AUTS2: variants seen among roughly 807,000 people sequenced by gnomAD.
AUTS2 encodes the protein activator of transcription and developmental regulator AUTS2.
Under a neutral mutation model 112.4 loss-of-function variants are expected in AUTS2, and 17 were observed. The ratio of observed to expected loss-of-function variants is 0.15; its 90% CI spans 0.10 to 0.23. The LOEUF (loss-of-function observed/expected upper bound fraction) is 0.23. Ranked by LOEUF, AUTS2 falls within the 10% of genes least tolerant of loss-of-function variation. The pLI, the probability that AUTS2 is intolerant of heterozygous loss-of-function variation, is 1.00. For synonymous variants in AUTS2, 751 were observed against 702.7 expected (o/e 1.07, Z -1.09); for missense variants, 1,510 against 1,701.6 (o/e 0.89, Z 1.98).
At chr7:70,546,670 T>C (rs1260454831) in intron 5 of AUTS2, among the ~76,000 whole-genome samples, 3 of 151,274 alleles carry the variant, frequency 2.0e-5, no homozygotes, top group South Asian at 2.1e-4. Context: ...TCCCAGCTGC[T>C]GGGGAGGCTG....
intron 1 of AUTS2, among the ~76,000 whole-genome samples, chr7:69,709,608 A>C (rs59797025): frequency 0.063 from 9,654 of 152,232 alleles, 336 homozygotes; most frequent in East Asian, 0.13. Context: ...TTCTGAAACC[A>C]CCCGTCTGAG....
intron 4 of AUTS2, among the ~76,000 whole-genome samples, chr7:70,205,483 T>C (rs1284774137): frequency 2.0e-5 from 3 of 152,110 alleles, no homozygotes; most frequent in Non-Finnish European, 4.4e-5. Context: ...TAATAACATA[T>C]TTTTACAGTA....
At chr7:70,708,589 A>G (rs891138781) in intron 6 of AUTS2, among the ~76,000 whole-genome samples, 1 of 147,290 alleles carries the variant, frequency 6.8e-6, no homozygotes. Flanking sequence ...TCACTAATTA[A>G]AAAAAAAAAA....
intron 5 of AUTS2, among the ~76,000 whole-genome samples, chr7:70,476,332 G>A (rs1216688194): frequency 6.6e-6 from 1 of 152,076 alleles, no homozygotes; most frequent in Non-Finnish European, 1.5e-5. Context: ...ATGGCTCAGA[G>A]CTTCTCCTCT....
chr7:70,309,825 G>C (rs1001436616), intron 4 of AUTS2, among the ~76,000 whole-genome samples: 8 of 152,178 alleles, frequency 5.3e-5, no homozygotes, highest in Non-Finnish European at 1.5e-5. Context: ...CAGCGCTTCA[G>C]TGATTAAGAA....
chr7:70,656,904 T>G (rs1563106357), intron 5 of AUTS2, among the ~76,000 whole-genome samples: 1 of 151,964 alleles, frequency 6.6e-6, no homozygotes, highest in Non-Finnish European at 1.5e-5. Context: ...CAAGCTAAGG[T>G]GTATGGGTTT....
intron 14 of AUTS2, chr7:70,781,397 C>G (rs1362625897): frequency 2.7e-6 from 1 of 369,798 alleles, no homozygotes; most frequent in Non-Finnish European, 4.8e-6. Flanking sequence ...AGACCAAACA[C>G]TAGTGTTGTC....
intron 3 of AUTS2, among the ~76,000 whole-genome samples, chr7:70,123,461 G>A (rs1291615534): frequency 6.6e-6 from 1 of 151,970 alleles, no homozygotes; most frequent in Non-Finnish European, 1.5e-5. Context: ...TCACCCAGTA[G>A]TACCCAATAG....
rs546659804 is a variant in AUTS2 at position 70,629,809 on chromosome 7, G to A, written c.691-68760G>A. ...TAGGTCTATATTTTGGACAGAAGAT[G>A]GTCTTTTAGCTCCTGATCTCATACT... On this transcript the variant is annotated intron_variant, in intron 5 of 18. Coordinates refer to ENST00000342771, the MANE Select transcript of AUTS2 (RefSeq NM_015570.4). 2.6e-5 allele frequency among the ~76,000 whole-genome samples: 4 copies of A among 151,426 alleles called. No individual in the cohort carries two copies. In the East Asian group the frequency reaches 7.8e-4, roughly 29 times the overall value.
chr7:70,453,880 C>T (rs1018338696), intron 5 of AUTS2, among the ~76,000 whole-genome samples: 27 of 152,202 alleles, frequency 1.8e-4, no homozygotes, highest in African/African-American at 6.0e-4. Flanking sequence ...TGTAAGGTAA[C>T]ATTTGCGGGC....
intron 5 of AUTS2, among the ~76,000 whole-genome samples, chr7:70,446,049 TTCCATGGTGGC>T (rs1188144585): frequency 6.6e-6 from 1 of 152,044 alleles, no homozygotes; most frequent in African/African-American, 2.4e-5. Context: ...GGGGCCATGG[TTCCATGGTGGC>T]TCCTGCACTG....
chr7:70,333,617 C>T (rs942574836), intron 4 of AUTS2, among the ~76,000 whole-genome samples: 1 of 152,162 alleles, frequency 6.6e-6, no homozygotes, highest in Non-Finnish European at 1.5e-5. Flanking sequence ...CCACAGAATA[C>T]TATGCAGCCA....
chr7:70,565,747 T>C (rs984878374), intron 5 of AUTS2, among the ~76,000 whole-genome samples: 1 of 152,242 alleles, frequency 6.6e-6, no homozygotes, highest in Non-Finnish European at 1.5e-5. Context: ...TTAATGATCA[T>C]TGAAGCATTT....
At chr7:70,425,733 A>G (rs1425558707) in intron 4 of AUTS2, among the ~76,000 whole-genome samples, 1 of 152,192 alleles carries the variant, frequency 6.6e-6, no homozygotes, top group Non-Finnish European at 1.5e-5. Context: ...TGCAAGACGT[A>G]TGTGAAATCA....
At chr7:70,380,287 T>A (rs555609054) in intron 4 of AUTS2, among the ~76,000 whole-genome samples, 1 of 152,140 alleles carries the variant, frequency 6.6e-6, no homozygotes, top group African/African-American at 2.4e-5. Flanking sequence ...TTTGCTCAAA[T>A]AGAGACCAAA....
chr7:70,078,831 A>G (rs1444583628), intron 2 of AUTS2, among the ~76,000 whole-genome samples: 4 of 152,236 alleles, frequency 2.6e-5, no homozygotes, highest in Non-Finnish European at 5.9e-5. Flanking sequence ...TGTTAGTGCC[A>G]TATAACTTGT....
intron 2 of AUTS2, among the ~76,000 whole-genome samples, chr7:70,089,043 G>A (rs1318776486): frequency 6.6e-6 from 1 of 152,118 alleles, no homozygotes; most frequent in Non-Finnish European, 1.5e-5. Context: ...AATATTCCAT[G>A]TGTGCTTGAA....
intron 1 of AUTS2, among the ~76,000 whole-genome samples, chr7:69,808,702 C>T (rs1790415619): frequency 6.6e-6 from 1 of 152,042 alleles, no homozygotes; most frequent in Admixed American, 6.6e-5. Context: ...TGCATATAGC[C>T]CAAGCAGGAG....
rs1491190658 is a variant in AUTS2 at position 69,894,278 on chromosome 7, T to TTA, written c.310-5008_310-5007insTA. Among the ~76,000 whole-genome samples, 8 of 118,324 alleles carry TTA rather than the reference T, an allele frequency of 6.8e-5. No individual in the cohort carries two copies. In the East Asian group the frequency reaches 1.6e-3, roughly 24 times the overall value. 77.6% of individuals were successfully genotyped at this position (118,324 alleles called of 152,430 possible). On this transcript the variant is annotated intron_variant, in intron 1 of 18. Transcript: ENST00000342771. ...TTTTTTTTTTTTTTTTTTTTTTTTT[T>TTA]AACAGATTTCTTTCTTATCCTTCTG...
Sources: gnomAD v4.1 joint callset for allele counts (sites outside exome capture counted in the v4.1 genomes callset) on GRCh38, gnomAD v4.1.1 for gene constraint, MANE v1.5 for transcripts, NCBI Gene and HGNC (gene_info 2026-07-23, HGNC 2026-07-21) for gene names.